KCNK4: variants seen among roughly 807,000 people sequenced by gnomAD.
The protein encoded by KCNK4 is potassium channel subfamily K member 4.
KCNK4 carries 22 observed loss-of-function variants against 28.8 expected under a neutral mutation model. The observed-to-expected ratio is 0.76, with a 90% confidence interval of 0.55 to 1.09. The LOEUF is 1.09. Among genes scored for constraint, KCNK4 ranks in the 50% least tolerant of loss-of-function variants. The pLI, the probability that KCNK4 is intolerant of heterozygous loss-of-function variation, is 0.00. For missense variants in KCNK4, 483 were observed against 546.3 expected, an observed-to-expected ratio of 0.88 and a Z score of 1.15; for synonymous variants, 263 against 252.9, an observed-to-expected ratio of 1.04 and a Z score of -0.38.
chr11:64,292,812 C>A, intron 1 of KCNK4, 130 bp from the exon 2 acceptor site: 2 of 1,037,014 alleles, frequency 1.9e-6, no homozygotes, highest in Non-Finnish European at 2.5e-6. Context: ...TGGGTGTGTC[C>A]AGCCAGAGGG....
chr11:64,292,013 C>T, intron 1 of KCNK4: 2 of 1,187,508 alleles, frequency 1.7e-6, no homozygotes, highest in Non-Finnish European at 2.1e-6. Context: ...CTGGCGTGTG[C>T]ACGCTAGTGT....
In KCNK4 at chr11:64,298,147, G is replaced by T. The variant is rs140100521; in HGVS notation, c.699G>T (p.Pro233=). Residue 233 remains proline (P), a synonymous_variant, in exon 6 of 7, where the codon CCG becomes CCT. Transcript: ENST00000422670. ...DPRQDSPAYQ[P]LVWFWILLGL... ...GGCAGGACTCCCCGGCCTATCAGCC[G>T]CTGGTGTGGTTCTGGATCCTGCTCG... 6.2e-7 allele frequency: 1 copy of T among 1,613,740 alleles called. No homozygotes were observed. The highest frequency in any genetic ancestry group is 1.3e-5 in the African/African-American group (1 of 74,922).
chr11:64,298,319 T>G (rs544999859), intron 6 of KCNK4, 70 bp downstream of exon 6: 91 of 1,577,654 alleles, frequency 5.8e-5, no homozygotes, highest in Admixed American at 1.4e-4. Flanking sequence ...AGCAGGGGGT[T>G]GATCAGGCTG....
rs1357105103 is a variant in KCNK4, at chr11:64,293,067, T to C, written c.49T>C (p.Leu17=). The change falls in exon 2 of 7, where the codon TTG becomes CTG. Residue 17 remains leucine, a synonymous_variant. Transcript: ENST00000422670. The part of the protein sequence containing the change: ...LALLALVLLY[L]VSGALVFRAL... ...CCTGCTGGCGCTGGTCTTGCTTTAC[T>C]TGGTGTCTGGTGCCCTGGTGTTCCG... 1.1e-5 allele frequency: 17 copies of C among 1,549,080 alleles called. No individual in the cohort carries two copies. Among genetic ancestry groups the C allele is most frequent in the Admixed American group, 2.0e-5 (1 of 50,828 alleles).
chr11:64,299,050 GAAAAAAA>G (rs56097945), intron 6 of KCNK4, among the ~76,000 whole-genome samples: 3 of 85,076 alleles, frequency 3.5e-5, no homozygotes, highest in Non-Finnish European at 6.5e-5. Flanking sequence ...AAAAAAAGAA[GAAAAAAA>G]AAAAAAAAAA....
intron 6 of KCNK4, 21 bp downstream of exon 6, chr11:64,298,270 A>G (rs1405975440): frequency 1.2e-6 from 2 of 1,610,464 alleles, no homozygotes; most frequent in Admixed American, 3.3e-5. Context: ...CAGGGTTGGC[A>G]CTGTGCCTGC....
Position 64,293,094 on chromosome 11 carries a change from G to A in KCNK4, c.76G>A (p.Ala26Thr), listed in dbSNP as rs759496072. The change falls in exon 2 of 7, where the codon GCC becomes ACC. Residue 26 changes from alanine to threonine, a missense_variant. Physicochemically the swap from Ala to Thr is moderately conservative, Grantham distance 58. Coordinates refer to ENST00000422670, the MANE Select transcript of KCNK4 (RefSeq NM_033310.3). ...YLVSGALVFRALEQPHEQQAQ... is the reference protein window; with the variant it reads ...YLVSGALVFRTLEQPHEQQAQ... ...GGTGTCTGGTGCCCTGGTGTTCCGG[G>A]CCCTGGAGCAGCCCCACGAGCAGCA... The A allele has an allele frequency of 1.0e-5, 16 of 1,548,500 alleles. No individual in the cohort carries two copies. In the Middle Eastern group the frequency reaches 6.7e-4, roughly 65 times the overall value.
chr11:64,292,879 G>C, intron 1 of KCNK4, 63 bp from the exon 2 acceptor site: 2 of 1,420,592 alleles, frequency 1.4e-6, no homozygotes, highest in Non-Finnish European at 1.8e-6. Context: ...GTAGGGGATA[G>C]AGGAGGAGGG....
intron 1 of KCNK4, chr11:64,292,057 G>T: frequency 8.8e-7 from 1 of 1,132,924 alleles, no homozygotes. Flanking sequence ...GGGTGCCCTG[G>T]CGCGGCCGGC....
At position 64,298,260 on chromosome 11, in the gene KCNK4, C is replaced by G. The variant is rs1218498562; in HGVS notation, c.801+11C>G. On this transcript the variant is annotated intron_variant, in intron 6 of 6. Coordinates refer to ENST00000422670, the MANE Select transcript of KCNK4 (RefSeq NM_033310.3). ...CGCACTCGGGCAGAGGTAGGCGCCCCAGGGTTGGCACTGTGCCTGCGCACT... is the reference window on the plus strand; with the variant it reads ...CGCACTCGGGCAGAGGTAGGCGCCCGAGGGTTGGCACTGTGCCTGCGCACT... The G allele has an allele frequency of 3.1e-6, 5 of 1,607,636 alleles. No homozygotes were observed. Among genetic ancestry groups the G allele is most frequent in the Non-Finnish European group, 4.2e-6 (5 of 1,178,326 alleles).
chr11:64,296,746 C>T lies in KCNK4; in HGVS notation c.190-132C>T, dbSNP rs994991165. 6.4e-6 allele frequency: 6 copies of T among 931,700 alleles called. No homozygotes were observed. In the Admixed American group the frequency reaches 1.0e-4, roughly 16 times the overall value. The allele number at this position is 931,700 out of a possible 1,614,324, so 57.7% of individuals were successfully genotyped here. A position where few individuals can be genotyped will look rare whatever the true frequency, so the allele number is the denominator to read the frequency against. On this transcript the variant is annotated intron_variant, in intron 2 of 6. Transcript: ENST00000422670. ...TATCTTCTGCTGTAAGGGACTGCCT[C>T]CTGGGAGACCAAAGGGAAGGGGAGA... is the stretch of plus-strand genomic sequence containing the variant.
At chr11:64,293,899 C>T (rs1291386120) in intron 2 of KCNK4, among the ~76,000 whole-genome samples, 2 of 152,176 alleles carry the variant, frequency 1.3e-5, no homozygotes, top group African/African-American at 2.4e-5. Context: ...CCACACCTGG[C>T]CCACAAATGC....
chr11:64,293,348 C>G (rs1372225230), intron 2 of KCNK4, 141 bp downstream of exon 2: 3 of 944,622 alleles, frequency 3.2e-6, no homozygotes, highest in Admixed American at 3.9e-5. Flanking sequence ...GGGACAGAGG[C>G]TGGGGACCAG....
intron 1 of KCNK4, chr11:64,292,245 G>C (rs1382394575): frequency 1.1e-5 from 3 of 273,508 alleles, no homozygotes; most frequent in Non-Finnish European, 1.7e-5. Context: ...GCCGCCCGCT[G>C]TCTCGGACTG....
Position 64,293,069 on chromosome 11 carries a change from G to C in KCNK4, c.51G>C (p.Leu17Phe). ...TGCTGGCGCTGGTCTTGCTTTACTT[G>C]GTGTCTGGTGCCCTGGTGTTCCGGG... ...LALLALVLLY[L>F]VSGALVFRAL... The change falls in exon 2 of 7, where the codon TTG becomes TTC. Residue 17 changes from leucine to phenylalanine, a missense_variant. Physicochemically the swap from Leu to Phe is conservative, Grantham distance 22 (BLOSUM62 0). Coordinates refer to ENST00000422670, the MANE Select transcript of KCNK4 (RefSeq NM_033310.3). The C allele has an allele frequency of 6.5e-7, 1 of 1,549,078 alleles. No homozygotes were observed. Among genetic ancestry groups the C allele is most frequent in the Non-Finnish European group, 8.7e-7 (1 of 1,146,150 alleles).
intron 5 of KCNK4, 123 bp downstream of exon 5, chr11:64,297,776 T>C: frequency 4.9e-6 from 5 of 1,010,942 alleles, no homozygotes; most frequent in Non-Finnish European, 7.2e-6. Flanking sequence ...CATCATGGAA[T>C]GCACCATCAC....
chr11:64,296,448 A>G (rs1185294856), intron 2 of KCNK4, among the ~76,000 whole-genome samples: 1 of 152,020 alleles, frequency 6.6e-6, no homozygotes, highest in Non-Finnish European at 1.5e-5. Flanking sequence ...GTCAGTGCTT[A>G]CTTTGTTGCA....
chr11:64,292,106 G>C (rs1035914521), intron 1 of KCNK4: 2 of 1,060,418 alleles, frequency 1.9e-6, no homozygotes, highest in South Asian at 2.4e-5. Flanking sequence ...CGTCTGCGGA[G>C]AGTGCAGGTG....
chr11:64,297,749 G>A, intron 5 of KCNK4, 96 bp downstream of exon 5: 1 of 1,314,352 alleles, frequency 7.6e-7, no homozygotes, highest in South Asian at 1.4e-5. Context: ...CCATGTGGTT[G>A]CTCTAACCCC....
Sources: allele counts gnomAD v4.1 joint callset (sites outside exome capture counted in the v4.1 genomes callset), GRCh38; gene constraint gnomAD v4.1.1; transcripts MANE v1.5; gene names NCBI Gene and HGNC (gene_info 2026-07-23, HGNC 2026-07-21).